Variants in SUSD1 observed in about 807,000 individuals in gnomAD.
The protein encoded by SUSD1 is sushi domain containing 1.
SUSD1 carries 65 observed loss-of-function variants against 86.9 expected under a neutral mutation model. That is an observed-to-expected ratio of 0.75 (90% confidence interval 0.61 to 0.92). SUSD1 has a LOEUF of 0.92. Among genes scored for constraint, SUSD1 ranks in the 40% least tolerant of loss-of-function variants. The pLI, the probability that SUSD1 is intolerant of heterozygous loss-of-function variation, is 0.00. For missense variants in SUSD1, 850 were observed against 929.7 expected, an observed-to-expected ratio of 0.91 and a Z score of 1.11; for synonymous variants, 346 against 350.0, an observed-to-expected ratio of 0.99 and a Z score of 0.13.
chr9:112,085,160 G>A (rs1161978684), intron 10 of SUSD1, among the ~76,000 whole-genome samples: 1 of 152,168 alleles, frequency 6.6e-6, no homozygotes, highest in Non-Finnish European at 1.5e-5. Context: ...GCAATAAGGG[G>A]AAAGCTAAGC....
Position 112,124,268 on chromosome 9 carries a change from A to G in SUSD1, c.875T>C (p.Leu292Ser). 1 of 1,613,418 alleles carries G rather than the reference A, an allele frequency of 6.2e-7. No individual in the cohort carries two copies. The highest frequency in any genetic ancestry group is 8.5e-7 in the Non-Finnish European group (1 of 1,179,606). The change falls in exon 6 of 17, where the codon TTA becomes TCA. Residue 292 changes from leucine to serine, a missense_variant. Coordinates refer to ENST00000374270, the MANE Select transcript of SUSD1 (RefSeq NM_022486.5). ...AACAGAATCTGTACCTGTGCATGTT[A>G]AAGTACTTTCTCTCCAGGTGCCTTT... Reference protein sequence around the residue: ...TEKGTWRESTLTCTEILTKIN... With the variant: ...TEKGTWRESTSTCTEILTKIN...
chr9:112,165,407 C>T (rs1184762219), intron 1 of SUSD1, among the ~76,000 whole-genome samples: 2 of 119,446 alleles, frequency 1.7e-5, no homozygotes, highest in African/African-American at 3.2e-5. Flanking sequence ...GTCTTTGACA[C>T]TTTTTTTTTT....
At chr9:112,047,620 G>T (rs1828013672) in intron 15 of SUSD1, among the ~76,000 whole-genome samples, 1 of 152,152 alleles carries the variant, frequency 6.6e-6, no homozygotes. Flanking sequence ...TTGGGTCATG[G>T]GGTTGGAGCC....
chr9:112,130,052 A>G (rs1444924307), intron 5 of SUSD1, among the ~76,000 whole-genome samples: 1 of 152,188 alleles, frequency 6.6e-6, no homozygotes, highest in East Asian at 1.9e-4. Context: ...AATTATAAGA[A>G]AGTTGTTCAG....
At chr9:112,131,848 A>G (rs778012289) in intron 5 of SUSD1, among the ~76,000 whole-genome samples, 1 of 152,234 alleles carries the variant, frequency 6.6e-6, no homozygotes, top group Non-Finnish European at 1.5e-5. Context: ...TCAACTAATT[A>G]TGAGCATGGC....
chr9:112,083,994 C>A (rs1401796499), intron 10 of SUSD1, among the ~76,000 whole-genome samples: 1 of 152,114 alleles, frequency 6.6e-6, no homozygotes, highest in African/African-American at 2.4e-5. Flanking sequence ...ATAAATGGCA[C>A]CACTAGTGTC....
At chr9:112,164,611 G>A (rs1229402489) in intron 1 of SUSD1, among the ~76,000 whole-genome samples, 1 of 150,992 alleles carries the variant, frequency 6.6e-6, no homozygotes, top group East Asian at 1.9e-4. Context: ...AACCATAAAG[G>A]TAAAAAAAAA....
chr9:112,168,244 C>T (rs1268466809), intron 1 of SUSD1, among the ~76,000 whole-genome samples: 2 of 152,234 alleles, frequency 1.3e-5, no homozygotes, highest in Non-Finnish European at 2.9e-5. Flanking sequence ...CTCCCAATTA[C>T]TCCAATGGGA....
intron 10 of SUSD1, among the ~76,000 whole-genome samples, chr9:112,082,911 A>G (rs1829828999): frequency 6.6e-6 from 1 of 151,844 alleles, no homozygotes; most frequent in African/African-American, 2.4e-5. Flanking sequence ...ATTTTTTTGT[A>G]GAGACAGGGT....
intron 1 of SUSD1, among the ~76,000 whole-genome samples, chr9:112,167,539 TTTG>T (rs1833873909): frequency 6.6e-6 from 1 of 152,134 alleles, no homozygotes; most frequent in Non-Finnish European, 1.5e-5. Context: ...TTCCACAGAT[TTTG>T]TTATTATTGT....
chr9:112,101,473 T>A lies in SUSD1; in HGVS notation c.1281+703A>T, dbSNP rs141232780. ...AATAAATCTCAGTTCCTGCCTGAAT[T>A]TACTTACAATTTTACTGATGATGTT... On this transcript the variant is annotated intron_variant, in intron 9 of 16. Transcript: ENST00000374270. Among the ~76,000 whole-genome samples the A allele has an allele frequency of 6.1e-3, 934 of 152,260 alleles. 11 individuals are homozygous for A. Among genetic ancestry groups the A allele is most frequent in the African/African-American group, 0.022 (900 of 41,534 alleles).
intron 2 of SUSD1, among the ~76,000 whole-genome samples, chr9:112,156,190 G>A (rs1445502279): frequency 2.0e-5 from 3 of 151,306 alleles, no homozygotes; most frequent in African/African-American, 2.4e-5. Flanking sequence ...CTGGCCGGGC[G>A]CAGTGGCTGA....
At chr9:112,102,841 G>A (rs1830683666) in intron 8 of SUSD1, among the ~76,000 whole-genome samples, 1 of 152,202 alleles carries the variant, frequency 6.6e-6, no homozygotes, top group Non-Finnish European at 1.5e-5. Context: ...CTACTCAGCT[G>A]AGTACTAAGG....
intron 2 of SUSD1, among the ~76,000 whole-genome samples, chr9:112,151,963 G>A (rs1325082718): frequency 6.6e-6 from 1 of 151,970 alleles, no homozygotes; most frequent in Non-Finnish European, 1.5e-5. Flanking sequence ...GAACCTGGGA[G>A]GCAGAGGTTG....
chr9:112,086,635 T>C (rs1475827757), intron 10 of SUSD1, among the ~76,000 whole-genome samples: 2 of 151,802 alleles, frequency 1.3e-5, no homozygotes, highest in African/African-American at 2.4e-5. Flanking sequence ...TAAAAGTCCA[T>C]GAGTTGTCAG....
chr9:112,102,051 G>T, intron 9 of SUSD1, 125 bp downstream of exon 9: 1 of 516,698 alleles, frequency 1.9e-6, no homozygotes, highest in Non-Finnish European at 3.4e-6. Flanking sequence ...TCCATCTCTA[G>T]AAACAACAAT....
intron 3 of SUSD1, among the ~76,000 whole-genome samples, chr9:112,147,862 T>C (rs1832874179): frequency 6.6e-6 from 1 of 152,170 alleles, no homozygotes; most frequent in South Asian, 2.1e-4. Context: ...TTAGTGTCTT[T>C]TCTTCTTAAT....
intron 12 of SUSD1, among the ~76,000 whole-genome samples, chr9:112,073,082 C>T (rs1829355578): frequency 6.6e-6 from 1 of 152,242 alleles, no homozygotes; most frequent in Non-Finnish European, 1.5e-5. Context: ...TCCCTGAGGA[C>T]ATCCCATTGT....
intron 9 of SUSD1, among the ~76,000 whole-genome samples, chr9:112,100,064 A>G (rs1830563748): frequency 6.6e-6 from 1 of 152,214 alleles, no homozygotes; most frequent in South Asian, 2.1e-4. Flanking sequence ...GTGAGGCATA[A>G]TGTGTTCATG....
Sources: allele counts gnomAD v4.1 joint callset (sites outside exome capture counted in the v4.1 genomes callset), GRCh38; gene constraint gnomAD v4.1.1; transcripts MANE v1.5; gene names NCBI Gene and HGNC (gene_info 2026-07-23, HGNC 2026-07-21).